The following BMPR2 variants were observed in gnomAD, a reference collection of about 807,000 sequenced individuals.
The protein encoded by BMPR2 is bone morphogenetic protein receptor type-2.
In BMPR2, 29 loss-of-function variants were observed where a neutral mutation model predicts 100.8. The observed-to-expected ratio is 0.29, with a 90% CI of 0.21 to 0.39. The LOEUF (loss-of-function observed/expected upper bound fraction) is 0.39. Ranked by LOEUF, BMPR2 falls within the 10% of genes least tolerant of loss-of-function variation. The pLI is 1.00. For synonymous variants in BMPR2, 382 were observed against 442.3 expected (o/e 0.86, Z 1.71); for missense variants, 1,011 against 1,274.5 (o/e 0.79, Z 3.15).
At chr2:202,399,355 T>C (rs1690715293) in intron 1 of BMPR2, among the ~76,000 whole-genome samples, 1 of 151,864 alleles carries the variant, frequency 6.6e-6, no homozygotes, top group South Asian at 2.1e-4. Context: ...GAACAGAAAG[T>C]GTAAAGGCTA....
chr2:202,496,267 G>T (rs1207793872), intron 3 of BMPR2, among the ~76,000 whole-genome samples: 1 of 152,154 alleles, frequency 6.6e-6, no homozygotes, highest in Non-Finnish European at 1.5e-5. Context: ...CAGGCAGATT[G>T]CTTGAGCCCG....
chr2:202,472,996 A>G lies in BMPR2; in HGVS notation c.418+5307A>G, dbSNP rs1692466903. On this transcript the variant is annotated intron_variant, in intron 3 of 12. Coordinates refer to ENST00000374580, the MANE Select transcript of BMPR2 (RefSeq NM_001204.7). Reference sequence around the variant, plus strand: ...ACTACTGTAATATCAAATGTCAGACATTTAGTCTGCAATTGCTAGGTGTTT... The same window carrying G: ...ACTACTGTAATATCAAATGTCAGACGTTTAGTCTGCAATTGCTAGGTGTTT... Among the ~76,000 whole-genome samples the G allele has an allele frequency of 2.0e-5, 3 of 152,354 alleles. No homozygotes were observed. The South Asian group carries it at 6.2e-4, about 32-fold the overall frequency.
At chr2:202,485,720 T>C (rs1257346163) in intron 3 of BMPR2, among the ~76,000 whole-genome samples, 1 of 151,662 alleles carries the variant, frequency 6.6e-6, no homozygotes, top group East Asian at 1.9e-4. Context: ...TTATTTTGTA[T>C]TTTTGGTAGA....
intron 1 of BMPR2, among the ~76,000 whole-genome samples, chr2:202,456,080 A>AGTT: frequency 3.6e-5 from 4 of 109,976 alleles, no homozygotes; most frequent in Non-Finnish European, 8.1e-5. Context: ...AAAAAAAAAA[A>AGTT]AAAAAAAAAA....
At chr2:202,383,740 A>T in intron 1 of BMPR2, among the ~76,000 whole-genome samples, 1 of 151,220 alleles carries the variant, frequency 6.6e-6, no homozygotes, top group East Asian at 1.9e-4. Flanking sequence ...AATCCTAGCT[A>T]CTCAGGAAGC....
chr2:202,446,168 A>C (rs1320915079), intron 1 of BMPR2, among the ~76,000 whole-genome samples: 1 of 150,604 alleles, frequency 6.6e-6, no homozygotes, highest in Admixed American at 6.6e-5. Flanking sequence ...TGGGAGGCTG[A>C]GGTGGGCGGA....
chr2:202,471,253 T>C (rs1207694020), intron 3 of BMPR2, among the ~76,000 whole-genome samples: 1 of 152,142 alleles, frequency 6.6e-6, no homozygotes, highest in East Asian at 1.9e-4. Context: ...AAGTGCCAAC[T>C]GGTAAATGTA....
At chr2:202,530,664 G>C in intron 7 of BMPR2, 130 bp from the exon 8 acceptor site, 1 of 778,166 alleles carries the variant, frequency 1.3e-6, no homozygotes, top group Non-Finnish European at 2.0e-6. Flanking sequence ...TTGAAATTCC[G>C]ATTTCTCTTT....
At chr2:202,537,951 C>T (rs113251403) in intron 9 of BMPR2, among the ~76,000 whole-genome samples, 25,725 of 151,410 alleles carry the variant, frequency 0.17, 2,493 homozygotes, top group Middle Eastern at 0.24. Context: ...GGTGAAACCC[C>T]GCTCTACTAC....
rs550929370 is a variant in BMPR2 at position 202,527,144 on chromosome 2, A to G, written c.968-3650A>G. On this transcript the variant is annotated intron_variant, in intron 7 of 12. Transcript: ENST00000374580. ...CTCCAAAAGAGCTGGGATTACAGGC[A>G]TGAGCCACTGTGCCTGCCCAGAATT... Among the ~76,000 whole-genome samples, 11 of 152,204 alleles carry G rather than the reference A, an allele frequency of 7.2e-5. No individual in the cohort carries two copies. The South Asian group carries it at 2.1e-3, about 29-fold the overall frequency.
chr2:202,428,180 T>A (rs1691430094), intron 1 of BMPR2, among the ~76,000 whole-genome samples: 1 of 152,196 alleles, frequency 6.6e-6, no homozygotes, highest in Non-Finnish European at 1.5e-5. Flanking sequence ...AATATTCTAC[T>A]ATGCTAACTT....
chr2:202,388,736 C>T (rs766436647), intron 1 of BMPR2, among the ~76,000 whole-genome samples: 1 of 148,180 alleles, frequency 6.7e-6, no homozygotes, highest in African/African-American at 2.5e-5. Context: ...TGCAGTGAGC[C>T]GAGATTGCGC....
chr2:202,454,741 T>C (rs957520636), intron 1 of BMPR2, among the ~76,000 whole-genome samples: 1 of 152,236 alleles, frequency 6.6e-6, no homozygotes, highest in African/African-American at 2.4e-5. Context: ...TTAGTATATT[T>C]ATATAAACTC....
At chr2:202,547,902 G>A (rs1011569095) in intron 10 of BMPR2, among the ~76,000 whole-genome samples, 3 of 151,766 alleles carry the variant, frequency 2.0e-5, no homozygotes, top group Non-Finnish European at 4.4e-5. Context: ...TGGCCAACAT[G>A]GTGAAACCCT....
At chr2:202,483,606 C>G (rs1216015349) in intron 3 of BMPR2, among the ~76,000 whole-genome samples, 1 of 152,072 alleles carries the variant, frequency 6.6e-6, no homozygotes, top group East Asian at 1.9e-4. Flanking sequence ...GCCATGTTGG[C>G]TAGGCTGGTA....
In BMPR2 at chr2:202,478,202, A is replaced by G. The variant is rs553583445; in HGVS notation, c.418+10513A>G. Among the ~76,000 whole-genome samples the G allele has an allele frequency of 2.0e-5, 3 of 152,248 alleles. No homozygotes were observed. The South Asian group carries it at 6.2e-4, about 32-fold the overall frequency. Reference sequence around the variant, plus strand: ...GCTTTTGTGGTTTGAAATGGCCTGCAAGAGTGGTGCCAAAGTGCTGTCTAG... The same window carrying G: ...GCTTTTGTGGTTTGAAATGGCCTGCGAGAGTGGTGCCAAAGTGCTGTCTAG... On this transcript the variant is annotated intron_variant, in intron 3 of 12. Coordinates refer to ENST00000374580, the MANE Select transcript of BMPR2 (RefSeq NM_001204.7).
chr2:202,461,865 T>A (rs944233780), intron 1 of BMPR2, among the ~76,000 whole-genome samples: 1 of 152,222 alleles, frequency 6.6e-6, no homozygotes. Flanking sequence ...CTTATCTTTT[T>A]AAAGGTAAGA....
chr2:202,396,026 C>A (rs891768926), intron 1 of BMPR2, among the ~76,000 whole-genome samples: 1 of 152,024 alleles, frequency 6.6e-6, no homozygotes, highest in Non-Finnish European at 1.5e-5. Flanking sequence ...TGGAGATGTT[C>A]TTTGGAAGAG....
At chr2:202,505,525 T>A (rs1687503535) in intron 3 of BMPR2, among the ~76,000 whole-genome samples, 1 of 152,080 alleles carries the variant, frequency 6.6e-6, no homozygotes, top group Non-Finnish European at 1.5e-5. Context: ...TGGTCTCTTA[T>A]GAGCAACTTT....
Sources: allele counts gnomAD v4.1 joint callset (sites outside exome capture counted in the v4.1 genomes callset), GRCh38; gene constraint gnomAD v4.1.1; transcripts MANE v1.5; gene names NCBI Gene and HGNC (gene_info 2026-07-23, HGNC 2026-07-21).